STXBP5L: variants seen among roughly 807,000 people sequenced by gnomAD.
The protein encoded by STXBP5L is syntaxin-binding protein 5-like.
STXBP5L carries 65 observed loss-of-function variants against 144.5 expected under a neutral mutation model. The ratio of observed to expected loss-of-function variants is 0.45; its 90% CI spans 0.37 to 0.55. The LOEUF is 0.55. Among genes scored for constraint, STXBP5L ranks in the 20% least tolerant of loss-of-function variants. The pLI is 0.00. For missense variants in STXBP5L, 1,298 were observed against 1,405.5 expected (o/e 0.92, Z 1.22); for synonymous variants, 505 against 469.6 (o/e 1.08, Z -0.97).
chr3:120,971,979 G>A (rs1940325644), intron 3 of STXBP5L, among the ~76,000 whole-genome samples: 1 of 151,932 alleles, frequency 6.6e-6, no homozygotes, highest in Non-Finnish European at 1.5e-5. Context: ...GGCCAGTGCT[G>A]TGACCTACTG....
intron 3 of STXBP5L, among the ~76,000 whole-genome samples, chr3:120,978,083 T>C (rs1301554747): frequency 6.6e-6 from 1 of 152,198 alleles, no homozygotes; most frequent in Non-Finnish European, 1.5e-5. Flanking sequence ...TGAATGTGAA[T>C]GTTGGCCTGC....
chr3:121,019,185 A>C (rs1945365227), intron 3 of STXBP5L, among the ~76,000 whole-genome samples: 1 of 151,900 alleles, frequency 6.6e-6, no homozygotes, highest in South Asian at 2.1e-4. Context: ...TGGCCTGAAA[A>C]CCACACCCCC....
At chr3:121,057,151 A>G (rs1459584481) in intron 5 of STXBP5L, among the ~76,000 whole-genome samples, 1 of 151,996 alleles carries the variant, frequency 6.6e-6, no homozygotes. Context: ...GATGAAACTC[A>G]TAAATACAGT....
At chr3:121,173,111 A>G (rs2046792464) in intron 9 of STXBP5L, among the ~76,000 whole-genome samples, 1 of 151,906 alleles carries the variant, frequency 6.6e-6, no homozygotes, top group African/African-American at 2.4e-5. Flanking sequence ...CTCACTCATA[A>G]TTGGGAGTCG....
At chr3:121,047,545 G>A (rs1421908783) in intron 5 of STXBP5L, among the ~76,000 whole-genome samples, 1 of 152,106 alleles carries the variant, frequency 6.6e-6, no homozygotes, top group Non-Finnish European at 1.5e-5. Context: ...CCTGTGTTGG[G>A]TGCATATATA....
chr3:121,066,367 TATATATATATATACGCTTATAGGAA>T, intron 5 of STXBP5L, among the ~76,000 whole-genome samples: 1 of 149,066 alleles, frequency 6.7e-6, no homozygotes, highest in Admixed American at 6.7e-5. Flanking sequence ...TAAGCGTATA[TATATATATATATACGCTTATAGGAA>T]ATATATATAT....
intron 3 of STXBP5L, among the ~76,000 whole-genome samples, chr3:120,990,128 A>G (rs1364667982): frequency 6.6e-6 from 1 of 152,188 alleles, no homozygotes; most frequent in Admixed American, 6.5e-5. Flanking sequence ...TACAAAATCA[A>G]TGGGCAAAAA....
chr3:121,396,765 G>A (rs529912219), intron 22 of STXBP5L, among the ~76,000 whole-genome samples: 215 of 152,334 alleles, frequency 1.4e-3, no homozygotes, highest in South Asian at 1.9e-3. Context: ...TAGCAACTAG[G>A]TGATCAGCCA....
chr3:121,305,399 G>A (rs1245154681), intron 19 of STXBP5L, among the ~76,000 whole-genome samples: 1 of 152,034 alleles, frequency 6.6e-6, no homozygotes, highest in African/African-American at 2.4e-5. Flanking sequence ...GGAACTAGAT[G>A]CAAAAATCAG....
intron 3 of STXBP5L, among the ~76,000 whole-genome samples, chr3:120,975,993 GT>G (rs1306363690): frequency 1.3e-5 from 2 of 149,972 alleles, no homozygotes; most frequent in African/African-American, 5.0e-5. Context: ...AAGGATATTG[GT>G]CTAAAATTCT....
intron 5 of STXBP5L, among the ~76,000 whole-genome samples, chr3:121,092,936 G>A (rs2042893833): frequency 6.6e-6 from 1 of 152,168 alleles, no homozygotes; most frequent in African/African-American, 2.4e-5. Context: ...ATTGTTTTGA[G>A]ATATGTCCCA....
intron 10 of STXBP5L, among the ~76,000 whole-genome samples, chr3:121,222,133 G>T (rs1241692670): frequency 1.3e-5 from 2 of 151,918 alleles, no homozygotes; most frequent in African/African-American, 4.8e-5. Context: ...TTTCAATTTG[G>T]TATTTACTTC....
chr3:121,254,503 A>G (rs1304053101), intron 15 of STXBP5L, among the ~76,000 whole-genome samples: 1 of 152,204 alleles, frequency 6.6e-6, no homozygotes, highest in Non-Finnish European at 1.5e-5. Context: ...TCAAAGGGGA[A>G]AACTGAGATA....
chr3:121,417,019 T>C (rs1001200812), intron 25 of STXBP5L, among the ~76,000 whole-genome samples: 1 of 152,158 alleles, frequency 6.6e-6, no homozygotes, highest in African/African-American at 2.4e-5. Flanking sequence ...TGGTACAACA[T>C]GGATAAACCT....
intron 7 of STXBP5L, among the ~76,000 whole-genome samples, chr3:121,124,821 AC>A (rs559204995): frequency 5.9e-4 from 90 of 152,186 alleles, no homozygotes; most frequent in African/African-American, 2.0e-3. Context: ...TTTAGTGGGA[AC>A]TTTTTTTTGT....
chr3:121,253,946 C>A (rs1282510682), intron 15 of STXBP5L, among the ~76,000 whole-genome samples: 1 of 151,786 alleles, frequency 6.6e-6, no homozygotes, highest in African/African-American at 2.4e-5. Flanking sequence ...AGCCACTGCG[C>A]CCGGCCGCAA....
At chr3:121,181,165 G>A (rs2047135875) in intron 9 of STXBP5L, among the ~76,000 whole-genome samples, 1 of 139,856 alleles carries the variant, frequency 7.2e-6, no homozygotes, top group South Asian at 2.4e-4. Flanking sequence ...AGGGGAGGGG[G>A]AGGGGAGGGG....
chr3:121,148,715 C>T (rs1466968974), intron 7 of STXBP5L, among the ~76,000 whole-genome samples: 3 of 151,992 alleles, frequency 2.0e-5, no homozygotes, highest in Admixed American at 6.6e-5. Context: ...TGGAAAACTG[C>T]TTGGCAGTAT....
intron 18 of STXBP5L, among the ~76,000 whole-genome samples, chr3:121,273,633 G>T (rs1473750903): frequency 6.6e-6 from 1 of 151,962 alleles, no homozygotes; most frequent in Admixed American, 6.6e-5. Context: ...CTCCCATAAT[G>T]TGACTATTGG....
Sources: allele counts gnomAD v4.1 joint callset (sites outside exome capture counted in the v4.1 genomes callset), GRCh38; gene constraint gnomAD v4.1.1; transcripts MANE v1.5; gene names NCBI Gene and HGNC (gene_info 2026-07-23, HGNC 2026-07-21).